Variants in GNB4 observed in about 807,000 individuals in gnomAD.
GNB4 encodes G protein subunit beta 4.
In GNB4, 28 loss-of-function variants were observed where a neutral mutation model predicts 45.2. That is an observed-to-expected ratio of 0.62 (90% CI 0.46 to 0.85). GNB4 has a LOEUF of 0.85. Ranked by LOEUF, GNB4 falls within the 40% of genes least tolerant of loss-of-function variation. GNB4 has a pLI of 0.00. For missense variants in GNB4, 321 were observed against 425.4 expected (o/e 0.75, Z 2.16); for synonymous variants, 132 against 143.7 (o/e 0.92, Z 0.58).
In GNB4 at chr3:179,405,187, A is replaced by G. The variant is rs2108579668; in HGVS notation, c.916+3T>C. The G allele has an allele frequency of 1.2e-6, 2 of 1,611,372 alleles. No homozygotes were observed. Among genetic ancestry groups the G allele is most frequent in the Non-Finnish European group, 1.7e-6 (2 of 1,178,254 alleles). On this transcript the variant is annotated splice_donor_region_variant and intron_variant, in intron 9 of 9. Transcript: ENST00000232564. ...AGAACCTAATGTGGACTTATTTACT[A>G]ACCTGCACGATCTCCTTTTAGCGTG...
chr3:179,432,343 A>G (rs1231828927), intron 1 of GNB4, among the ~76,000 whole-genome samples: 4 of 152,194 alleles, frequency 2.6e-5, no homozygotes, highest in African/African-American at 9.7e-5. Flanking sequence ...ACTCTTTAAA[A>G]AAAAACACAA....
At chr3:179,475,362 G>A in the GNB4 span, among the ~76,000 whole-genome samples, 1 of 151,632 alleles carries the variant, frequency 6.6e-6, no homozygotes, top group Non-Finnish European at 1.5e-5. Flanking sequence ...CTTGTGATCT[G>A]CCCGCCTCGG....
At position 179,413,864 on chromosome 3, in the gene GNB4, A is replaced by T. The variant is rs2287212; in HGVS notation, c.431-83T>A. 0.25 allele frequency: 251,194 copies of T among 987,502 alleles called. 32,803 individuals are homozygous for T. The highest frequency in any genetic ancestry group is 0.4 in the East Asian group (15,597 of 39,040). The allele number at this position is 987,502 out of a possible 1,614,324, so 61.2% of individuals were successfully genotyped here. On this transcript the variant is annotated intron_variant, in intron 6 of 9. Transcript: ENST00000232564. ...ATGTGAAATAGCAATATATATTTTT[A>T]AAAATAGAATACTTGGGCAACAAGT... is the stretch of plus-strand genomic sequence containing the variant.
the GNB4 span, among the ~76,000 whole-genome samples, chr3:179,506,263 A>G: frequency 1.3e-3 from 204 of 152,250 alleles, no homozygotes; most frequent in Middle Eastern, 3.4e-3. Flanking sequence ...ACCTGAGCCC[A>G]AGAAGTGGAG....
the GNB4 span, chr3:179,465,218 G>C: frequency 7.2e-7 from 1 of 1,387,194 alleles, no homozygotes; most frequent in Non-Finnish European, 1.0e-6. Context: ...GTTGGTTGGA[G>C]ATGTGGATTT....
chr3:179,418,322 TAGTC>T (rs922770313), intron 4 of GNB4, among the ~76,000 whole-genome samples: 2 of 151,506 alleles, frequency 1.3e-5, no homozygotes, highest in Non-Finnish European at 2.9e-5. Flanking sequence ...ATACAAAAAT[TAGTC>T]AGGCGTGGTT....
rs1714181364 is a variant in GNB4, at chr3:179,398,306, GGAGTACGA to G, written c.*2899_*2906del. 6.6e-6 allele frequency: 1 copy of G among 151,832 alleles called. No individual in the cohort carries two copies. Among genetic ancestry groups the G allele is most frequent in the Non-Finnish European group, 1.5e-5 (1 of 68,038 alleles). The allele number at this position is 151,832 out of a possible 1,614,324, so 9.4% of individuals were successfully genotyped here. ...GAGGCTGGTGGATCACTTGAGGCCAGGAGTACGAGATCAGACTGGCCAAGATGGTGAAA... is the reference window on the plus strand; with the variant it reads ...GAGGCTGGTGGATCACTTGAGGCCAGGATCAGACTGGCCAAGATGGTGAAA... On this transcript the variant is annotated 3_prime_UTR_variant, in exon 10 of 10. Transcript: ENST00000232564.
the GNB4 span, among the ~76,000 whole-genome samples, chr3:179,516,465 T>A: frequency 6.6e-6 from 1 of 152,130 alleles, no homozygotes; most frequent in Non-Finnish European, 1.5e-5. Context: ...GTGAATAAAG[T>A]CAACTTGCCA....
At chr3:179,478,481 A>G in the GNB4 span, among the ~76,000 whole-genome samples, 10 of 152,018 alleles carry the variant, frequency 6.6e-5, no homozygotes. Flanking sequence ...TGAGATTCCT[A>G]TCCATTTTAC....
the GNB4 span, among the ~76,000 whole-genome samples, chr3:179,460,782 G>A: frequency 1.3e-5 from 2 of 151,998 alleles, no homozygotes; most frequent in Admixed American, 1.3e-4. Flanking sequence ...GGGATTACAG[G>A]CATGGCCACC....
chr3:179,527,714 C>T, the GNB4 span, among the ~76,000 whole-genome samples: 1 of 151,778 alleles, frequency 6.6e-6, no homozygotes, highest in Admixed American at 6.6e-5. Flanking sequence ...CTAAGACTTA[C>T]CTACTTCATT....
intron 1 of GNB4, among the ~76,000 whole-genome samples, chr3:179,443,649 A>G (rs2108619820): frequency 6.6e-6 from 1 of 152,340 alleles, no homozygotes; most frequent in Non-Finnish European, 1.5e-5. Context: ...GCCTACCTAT[A>G]AGATAAAATT....
chr3:179,416,512 T>C lies in GNB4; in HGVS notation c.248A>G (p.Asp83Gly). The C allele has an allele frequency of 6.3e-7, 1 of 1,588,920 alleles. No homozygotes were observed. Among genetic ancestry groups the C allele is most frequent in the Non-Finnish European group, 8.6e-7 (1 of 1,163,036 alleles). ...TTCTACCTTATTTGTTGTATAGCTA[T>C]CCCAAATAATTAATTTTCCATCTTG... ...ASQDGKLIIWDSYTTNKMHAI... is the reference protein window; with the variant it reads ...ASQDGKLIIWGSYTTNKMHAI... The change falls in exon 5 of 10, where the codon GAT (aspartate) becomes GGT (glycine). Residue 83 changes from aspartate (D) to glycine (G), a missense_variant. By Grantham distance (94) the Asp-to-Gly change is moderately conservative. Transcript: ENST00000232564.
the GNB4 span, among the ~76,000 whole-genome samples, chr3:179,492,649 C>G: frequency 8.5e-5 from 13 of 152,112 alleles, no homozygotes; most frequent in Non-Finnish European, 1.6e-4. Flanking sequence ...ATGTCCATGC[C>G]CCAGGACCTA....
the GNB4 span, among the ~76,000 whole-genome samples, chr3:179,527,500 T>C: frequency 6.6e-6 from 1 of 152,172 alleles, no homozygotes; most frequent in Non-Finnish European, 1.5e-5. Context: ...GCACTAAATG[T>C]TTTATATTCA....
At chr3:179,509,168 TACACACACAC>T in the GNB4 span, among the ~76,000 whole-genome samples, 7 of 146,894 alleles carry the variant, frequency 4.8e-5, no homozygotes, top group Non-Finnish European at 7.4e-5. Context: ...TATATATACA[TACACACACAC>T]ACACACACAC....
chr3:179,444,681 C>T (rs1039912380), intron 1 of GNB4, among the ~76,000 whole-genome samples: 4 of 152,094 alleles, frequency 2.6e-5, no homozygotes, highest in Non-Finnish European at 5.9e-5. Flanking sequence ...CACTGCACTC[C>T]AGTCTGTGTG....
the GNB4 span, among the ~76,000 whole-genome samples, chr3:179,500,187 G>T: frequency 6.6e-6 from 1 of 152,280 alleles, no homozygotes; most frequent in Non-Finnish European, 1.5e-5. Flanking sequence ...TATTGCCTAG[G>T]TTTTCTTCTA....
the GNB4 span, among the ~76,000 whole-genome samples, chr3:179,515,963 T>C: frequency 3.7e-4 from 57 of 152,212 alleles, no homozygotes; most frequent in East Asian, 0.011. Context: ...TTTGTATGAA[T>C]TGAGAAACTA....
Sources: gnomAD v4.1 joint callset for allele counts (sites outside exome capture counted in the v4.1 genomes callset) on GRCh38, gnomAD v4.1.1 for gene constraint, MANE v1.5 for transcripts, NCBI Gene and HGNC (gene_info 2026-07-23, HGNC 2026-07-21) for gene names.